CNTNAP2: variants seen among roughly 807,000 people sequenced by gnomAD.
The protein encoded by CNTNAP2 is contactin associated protein 2.
A neutral mutation model predicts 155.2 loss-of-function variants in CNTNAP2; 98 were observed. The observed-to-expected ratio is 0.63, with a 90% CI of 0.54 to 0.75. The LOEUF is 0.75. CNTNAP2 is among the 30% of genes least tolerant of loss of function. The probability of loss-of-function intolerance (pLI) is 0.00; values close to 1 mark genes in which losing one functional copy is unlikely to be tolerated. For missense variants in CNTNAP2, 1,727 were observed against 1,688.1 expected (o/e 1.02, Z -0.40); for synonymous variants, 651 against 631.2 (o/e 1.03, Z -0.47).
At chr7:147,368,573 C>T (rs73740614) in intron 9 of CNTNAP2, among the ~76,000 whole-genome samples, 5,555 of 152,184 alleles carry the variant, frequency 0.037, 353 homozygotes, top group African/African-American at 0.13. Context: ...CCTCTGCCCA[C>T]GGCCCGGTCA....
intron 1 of CNTNAP2, among the ~76,000 whole-genome samples, chr7:146,239,099 C>A (rs1351916256): frequency 6.6e-6 from 1 of 152,228 alleles, no homozygotes; most frequent in Non-Finnish European, 1.5e-5. Flanking sequence ...GTGTTTGGAA[C>A]AATTTAGATT....
chr7:146,799,653 C>T (rs911886286), intron 2 of CNTNAP2, among the ~76,000 whole-genome samples: 7 of 152,158 alleles, frequency 4.6e-5, no homozygotes, highest in South Asian at 4.1e-4. Flanking sequence ...ACTCTGCAAG[C>T]GTATGACTAA....
At position 148,416,106 on chromosome 7, in the gene CNTNAP2, A is replaced by G. The variant is rs1378275735; in HGVS notation, c.*490A>G. On this transcript the variant is annotated 3_prime_UTR_variant, in exon 24 of 24. Transcript: ENST00000361727. Reference sequence around the variant, plus strand: ...AGAAACTAGTTCGTGTTTATATACTATTTCCTTTGATGTCCTATAAGTCGG... The same window carrying G: ...AGAAACTAGTTCGTGTTTATATACTGTTTCCTTTGATGTCCTATAAGTCGG... 1 of 163,290 alleles carries G rather than the reference A, an allele frequency of 6.1e-6. No homozygotes were observed. The highest frequency in any genetic ancestry group is 1.3e-5 in the Non-Finnish European group (1 of 74,828). 10.1% of individuals were successfully genotyped at this position (163,290 alleles called of 1,614,324 possible). A position where few individuals can be genotyped will look rare whatever the true frequency, so the allele number is the denominator to read the frequency against.
chr7:146,609,436 C>T (rs1799099691), intron 1 of CNTNAP2, among the ~76,000 whole-genome samples: 1 of 152,196 alleles, frequency 6.6e-6, no homozygotes, highest in Admixed American at 6.5e-5. Context: ...CACCCCAATA[C>T]TGCACTGTTA....
At chr7:148,407,356 A>G (rs10215201) in intron 22 of CNTNAP2, among the ~76,000 whole-genome samples, 44,493 of 151,986 alleles carry the variant, frequency 0.29, 6,915 homozygotes, top group Non-Finnish European at 0.35. Flanking sequence ...AGCTGACTAC[A>G]CTGTACTACA....
chr7:147,963,860 G>A (rs1801158889), intron 14 of CNTNAP2, among the ~76,000 whole-genome samples: 2 of 152,042 alleles, frequency 1.3e-5, no homozygotes, highest in African/African-American at 4.8e-5. Context: ...TTGCTTGGAA[G>A]ACCAAATGTC....
intron 1 of CNTNAP2, among the ~76,000 whole-genome samples, chr7:146,228,366 A>C (rs1028118631): frequency 2.6e-5 from 4 of 152,212 alleles, no homozygotes; most frequent in Non-Finnish European, 4.4e-5. Flanking sequence ...CAAGTCCCTT[A>C]ATCTCACTGG....
At chr7:146,843,911 T>C (rs1264295639) in intron 3 of CNTNAP2, among the ~76,000 whole-genome samples, 1 of 152,148 alleles carries the variant, frequency 6.6e-6, no homozygotes, top group Non-Finnish European at 1.5e-5. Context: ...TTTATGTATT[T>C]TTGAAATTGT....
intron 1 of CNTNAP2, among the ~76,000 whole-genome samples, chr7:146,460,255 C>T (rs1331455990): frequency 6.6e-6 from 1 of 152,026 alleles, no homozygotes; most frequent in African/African-American, 2.4e-5. Context: ...AAAATTATAA[C>T]AAGGATTATT....
chr7:148,053,748 A>T (rs1802936559), intron 15 of CNTNAP2, among the ~76,000 whole-genome samples: 1 of 152,182 alleles, frequency 6.6e-6, no homozygotes, highest in Non-Finnish European at 1.5e-5. Context: ...TAATATTATG[A>T]TTATGCTAGG....
intron 21 of CNTNAP2, among the ~76,000 whole-genome samples, chr7:148,340,868 G>A (rs1293786299): frequency 1.3e-5 from 2 of 152,176 alleles, no homozygotes; most frequent in South Asian, 2.1e-4. Flanking sequence ...CTCCAGGCCC[G>A]TCTTTACTTT....
intron 15 of CNTNAP2, among the ~76,000 whole-genome samples, chr7:148,054,133 C>T (rs1038754782): frequency 6.6e-6 from 1 of 152,006 alleles, no homozygotes. Context: ...CCACCACACC[C>T]GGCTAATTTT....
chr7:147,477,197 T>G lies in CNTNAP2; in HGVS notation c.1671-8738T>G, dbSNP rs189436037. ...TTACAATTATTCTAAATTTAACCCATTTTGAGAAAACAAATTATGAATTTA... is the reference window on the plus strand; with the variant it reads ...TTACAATTATTCTAAATTTAACCCAGTTTGAGAAAACAAATTATGAATTTA... On this transcript the variant is annotated intron_variant, in intron 10 of 23. Transcript: ENST00000361727. Among the ~76,000 whole-genome samples the G allele has an allele frequency of 5.6e-3, 859 of 152,264 alleles. 12 individuals carry two copies. The highest frequency in any genetic ancestry group is 0.02 in the African/African-American group (825 of 41,548).
chr7:147,166,161 A>C (rs989092347), intron 8 of CNTNAP2, among the ~76,000 whole-genome samples: 1 of 151,902 alleles, frequency 6.6e-6, no homozygotes, highest in Non-Finnish European at 1.5e-5. Context: ...TGTGTAAAGA[A>C]ATTATGAGAT....
At chr7:147,229,042 T>TAA (rs1563125360) in intron 8 of CNTNAP2, among the ~76,000 whole-genome samples, 3 of 130,982 alleles carry the variant, frequency 2.3e-5, no homozygotes, top group African/African-American at 8.7e-5. Flanking sequence ...ACATTTTCTT[T>TAA]ATATATATAT....
At chr7:146,371,448 A>C (rs1359852910) in intron 1 of CNTNAP2, among the ~76,000 whole-genome samples, 3 of 139,888 alleles carry the variant, frequency 2.1e-5, no homozygotes, top group Non-Finnish European at 4.5e-5. Context: ...CGCTCACTGC[A>C]AGCTCCGCCT....
chr7:147,783,528 T>C (rs922558474), intron 13 of CNTNAP2, among the ~76,000 whole-genome samples: 1 of 152,182 alleles, frequency 6.6e-6, no homozygotes, highest in Non-Finnish European at 1.5e-5. Flanking sequence ...CTGGGTGCCT[T>C]AAACAACAGA....
At chr7:147,061,294 TA>T (rs1345009671) in intron 4 of CNTNAP2, among the ~76,000 whole-genome samples, 1 of 152,146 alleles carries the variant, frequency 6.6e-6, no homozygotes, top group African/African-American at 2.4e-5. Flanking sequence ...AAAATAAAAT[TA>T]AAAAAATGAT....
chr7:148,032,840 A>G (rs1802504294), intron 15 of CNTNAP2, among the ~76,000 whole-genome samples: 1 of 152,090 alleles, frequency 6.6e-6, no homozygotes, highest in Non-Finnish European at 1.5e-5. Flanking sequence ...CCCCCTCAAC[A>G]CAAAACACAC....
Sources: gnomAD v4.1 joint callset for allele counts (sites outside exome capture counted in the v4.1 genomes callset) on GRCh38, gnomAD v4.1.1 for gene constraint, MANE v1.5 for transcripts, NCBI Gene and HGNC (gene_info 2026-07-23, HGNC 2026-07-21) for gene names.